AHCTF1: variants seen among roughly 807,000 people sequenced by gnomAD.
AHCTF1 encodes AT-hook containing transcription factor 1.
Under a neutral mutation model 248.4 loss-of-function variants are expected in AHCTF1, and 24 were observed. That is an observed-to-expected ratio of 0.10 (90% CI 0.07 to 0.14). AHCTF1 has a LOEUF of 0.14. AHCTF1 is among the 10% of genes least tolerant of loss of function. The pLI, the probability that AHCTF1 is intolerant of heterozygous loss-of-function variation, is 1.00. For missense variants in AHCTF1, 2,206 were observed against 2,636.2 expected (o/e 0.84, Z 3.57); for synonymous variants, 786 against 929.8 (o/e 0.85, Z 2.81).
intron 21 of AHCTF1, among the ~76,000 whole-genome samples, chr1:246,881,964 G>A (rs1041921781): frequency 1.3e-5 from 2 of 150,238 alleles, no homozygotes; most frequent in Non-Finnish European, 3.0e-5. Flanking sequence ...ACAGGCATGA[G>A]CCACCGTGCC....
At chr1:246,908,892 C>T (rs1456829284) in intron 4 of AHCTF1, among the ~76,000 whole-genome samples, 3 of 148,110 alleles carry the variant, frequency 2.0e-5, no homozygotes, top group Non-Finnish European at 3.0e-5. Flanking sequence ...AGCAAGACTC[C>T]GTCTCAAAAG....
intron 1 of AHCTF1, among the ~76,000 whole-genome samples, chr1:246,918,770 A>G (rs1666322558): frequency 6.6e-6 from 1 of 152,262 alleles, no homozygotes; most frequent in African/African-American, 2.4e-5. Flanking sequence ...AGCCAGACGT[A>G]CTAAGGATAT....
intron 24 of AHCTF1, 83 bp from the exon 25 acceptor site, chr1:246,867,894 C>CA: frequency 9.3e-6 from 5 of 535,970 alleles, no homozygotes; most frequent in Non-Finnish European, 1.4e-5. Flanking sequence ...TGATTACACC[C>CA]CCCCCCCCAC....
At chr1:246,877,434 A>C in intron 21 of AHCTF1, 132 bp from the exon 22 acceptor site, 1 of 986,508 alleles carries the variant, frequency 1.0e-6, no homozygotes, top group East Asian at 2.8e-5. Flanking sequence ...TACTTTAAAA[A>C]TTTGTTGAAT....
At chr1:246,885,065 C>T (rs780455875) in intron 21 of AHCTF1, among the ~76,000 whole-genome samples, 5 of 152,178 alleles carry the variant, frequency 3.3e-5, no homozygotes, top group East Asian at 3.8e-4. Context: ...CAATTTGGCG[C>T]CCCTCCCTTT....
chr1:246,893,658 C>A (rs565646183), intron 14 of AHCTF1, among the ~76,000 whole-genome samples: 1 of 152,282 alleles, frequency 6.6e-6, no homozygotes, highest in South Asian at 2.1e-4. Flanking sequence ...CGACATCTAT[C>A]CATGGAGGAC....
At chr1:246,931,096 G>A (rs1200243520) in intron 1 of AHCTF1, 46 of 1,546,634 alleles carry the variant, frequency 3.0e-5, no homozygotes, top group Non-Finnish European at 3.8e-5. Context: ...GCTGAGCCCC[G>A]AGTCCAACTT....
chr1:246,909,801 C>G (rs1165844688), intron 4 of AHCTF1, among the ~76,000 whole-genome samples: 1 of 152,138 alleles, frequency 6.6e-6, no homozygotes, highest in Non-Finnish European at 1.5e-5. Flanking sequence ...GGGGAACTAC[C>G]CTGCAGAGGG....
chr1:246,891,118 G>T, intron 15 of AHCTF1, 58 bp from the exon 16 acceptor site: 1 of 1,091,602 alleles, frequency 9.2e-7, no homozygotes, highest in Non-Finnish European at 1.3e-6. Context: ...ATGCTCCACA[G>T]TTTTCAAAAT....
intron 1 of AHCTF1, among the ~76,000 whole-genome samples, chr1:246,924,084 C>T (rs146102598): frequency 3.5e-4 from 53 of 152,266 alleles, no homozygotes; most frequent in African/African-American, 1.1e-3. Context: ...ACAGAAAGGA[C>T]TACATTCAGT....
intron 1 of AHCTF1, among the ~76,000 whole-genome samples, chr1:246,922,785 A>C (rs1202623523): frequency 6.6e-6 from 1 of 151,120 alleles, no homozygotes; most frequent in Non-Finnish European, 1.5e-5. Context: ...GATCGAGACC[A>C]TCCTGGATAA....
Position 246,847,302 on chromosome 1 carries a change from C to CA in AHCTF1, c.6391+2312dup, listed in dbSNP as rs1021928623. ...CAAACTCCATCTCAAAAAAAAAAAA[C>CA]AAACAAAAAAAAAACTGAAAATGCT... On this transcript the variant is annotated intron_variant, in intron 33 of 35. Coordinates refer to ENST00000648844, the MANE Select transcript of AHCTF1 (RefSeq NM_001323342.2). 1.0e-2 allele frequency among the ~76,000 whole-genome samples: 1,078 copies of CA among 108,212 alleles called. 13 individuals carry two copies. The highest frequency in any genetic ancestry group is 0.062 in the African/African-American group (982 of 15,874). The allele number at this position is 108,212 out of a possible 152,430, so 71.0% of individuals were successfully genotyped here.
chr1:246,916,338 A>T lies in AHCTF1; in HGVS notation c.179T>A (p.Ile60Lys). The T allele has an allele frequency of 6.2e-7, 1 of 1,610,774 alleles. No homozygotes were observed. Among genetic ancestry groups the T allele is most frequent in the Non-Finnish European group, 8.5e-7 (1 of 1,178,350 alleles). Residue 60 changes from isoleucine (I) to lysine (K), a missense_variant, in exon 3 of 36, where the codon ATA becomes AAA. Physicochemically the swap from Ile to Lys is moderately radical, Grantham distance 102 (BLOSUM62 -3). Transcript: ENST00000648844. ...CGPQLEVVNS[I>K]TGERLSAYRF... ...GTAAGCAGACAATCGCTCTCCTGTT[A>T]TAGAGTTTACTACCTCAAGTTGTGG... is the stretch of plus-strand genomic sequence containing the variant.
At position 246,896,537 on chromosome 1, in the gene AHCTF1, T is replaced by C. The variant is rs542445145; in HGVS notation, c.1624-612A>G. On this transcript the variant is annotated intron_variant, in intron 12 of 35. Transcript: ENST00000648844. ...AGACAGGAAAGTAGATTAGTCATTA[T>C]GTAAGGCTGGGTAGGATGGGGCAGG... Among the ~76,000 whole-genome samples, 39 of 152,316 alleles carry C rather than the reference T, an allele frequency of 2.6e-4. No individual in the cohort carries two copies. In the South Asian group the frequency reaches 7.9e-3, roughly 31 times the overall value.
intron 29 of AHCTF1, among the ~76,000 whole-genome samples, chr1:246,859,180 T>C (rs1661337726): frequency 6.6e-6 from 1 of 152,232 alleles, no homozygotes; most frequent in Admixed American, 6.5e-5. Context: ...GATATCGTAG[T>C]CCAAACTTCA....
At chr1:246,926,015 T>C (rs1666896826) in intron 1 of AHCTF1, among the ~76,000 whole-genome samples, 1 of 149,428 alleles carries the variant, frequency 6.7e-6, no homozygotes, top group Non-Finnish European at 1.5e-5. Flanking sequence ...ACCAATGAAT[T>C]CTAGCCTAGG....
chr1:246,880,004 G>A (rs1185419331), intron 21 of AHCTF1, among the ~76,000 whole-genome samples: 1 of 151,960 alleles, frequency 6.6e-6, no homozygotes, highest in Non-Finnish European at 1.5e-5. Context: ...AAGGGTATAC[G>A]GTATGCTGTT....
intron 2 of AHCTF1, 54 bp downstream of exon 2, chr1:246,918,196 T>G: frequency 6.7e-7 from 1 of 1,497,616 alleles, no homozygotes; most frequent in Admixed American, 2.1e-5. Context: ...TACTTATTAT[T>G]ATTTATCTTA....
chr1:246,855,480 A>G (rs1661049385), intron 31 of AHCTF1, among the ~76,000 whole-genome samples: 1 of 152,224 alleles, frequency 6.6e-6, no homozygotes, highest in African/African-American at 2.4e-5. Flanking sequence ...GCAGGGATGC[A>G]TTTGGCTGTG....
Sources: gnomAD v4.1 joint callset for allele counts (sites outside exome capture counted in the v4.1 genomes callset) on GRCh38, gnomAD v4.1.1 for gene constraint, MANE v1.5 for transcripts, NCBI Gene and HGNC (gene_info 2026-07-23, HGNC 2026-07-21) for gene names.